The following RGL1 variants were observed in gnomAD, a reference collection of about 807,000 sequenced individuals.
RGL1 encodes ral guanine nucleotide dissociation stimulator like 1.
A neutral mutation model predicts 95.2 loss-of-function variants in RGL1; 24 were observed. The observed-to-expected ratio is 0.25, with a 90% CI of 0.18 to 0.35. The LOEUF is 0.35. Among genes scored for constraint, RGL1 ranks in the 10% least tolerant of loss-of-function variants. The pLI is 1.00. For synonymous variants in RGL1, 329 were observed against 344.9 expected (o/e 0.95, Z 0.51); for missense variants, 715 against 936.3 (o/e 0.76, Z 3.08).
At chr1:183,754,747 C>T (rs146680368) in intron 2 of RGL1, 85 of 152,332 alleles carry the variant, frequency 5.6e-4, no homozygotes, top group African/African-American at 2.0e-3. Flanking sequence ...GGCTGAGCTG[C>T]TACTTACCAG....
intron 2 of RGL1, among the ~76,000 whole-genome samples, chr1:183,835,804 A>T (rs992366590): frequency 2.0e-5 from 3 of 152,200 alleles, no homozygotes; most frequent in African/African-American, 7.2e-5. Context: ...ATCTTTCAAC[A>T]TGCCTTAGAT....
intron 1 of RGL1, among the ~76,000 whole-genome samples, chr1:183,649,921 C>T (rs1283766173): frequency 6.6e-6 from 1 of 152,158 alleles, no homozygotes; most frequent in African/African-American, 2.4e-5. Context: ...AAGTGATCCT[C>T]CTGCCTCAGC....
At chr1:183,735,836 T>G (rs1656904562) in intron 1 of RGL1, among the ~76,000 whole-genome samples, 4 of 152,232 alleles carry the variant, frequency 2.6e-5, no homozygotes, top group Admixed American at 2.6e-4. Context: ...CATCTTTGAT[T>G]CTGGATAGCT....
At chr1:183,922,140 C>T (rs923285096) in intron 16 of RGL1, 82 bp from the exon 17 acceptor site, 36 of 1,125,792 alleles carry the variant, frequency 3.2e-5, no homozygotes, top group Non-Finnish European at 3.9e-5. Context: ...CAACACAAGA[C>T]AGCAAGAATG....
intron 2 of RGL1, among the ~76,000 whole-genome samples, chr1:183,831,434 G>T (rs1292468723): frequency 6.6e-6 from 1 of 152,146 alleles, no homozygotes; most frequent in African/African-American, 2.4e-5. Context: ...TCTGGCAGAA[G>T]GCTGGATTTC....
At chr1:183,661,235 CA>C (rs1487832468) in intron 1 of RGL1, among the ~76,000 whole-genome samples, 1 of 151,982 alleles carries the variant, frequency 6.6e-6, no homozygotes. Context: ...AATAGAGACA[CA>C]AAAAACCCTT....
rs569853257 is a variant in RGL1, at chr1:183,805,120, G to C, written c.-178G>C. ...CTCGCTCGCTCGCCGCGCTCCCTTT[G>C]TGGCCCGAGTCGCGCGCACCGGCGG... On this transcript the variant is annotated 5_prime_UTR_variant, in exon 1 of 18. Transcript: ENST00000360851. 1.8e-5 allele frequency: 13 copies of C among 715,942 alleles called. No individual in the cohort carries two copies. In the East Asian group the frequency reaches 4.5e-4, roughly 25 times the overall value. 44.3% of individuals were successfully genotyped at this position (715,942 alleles called of 1,614,324 possible).
At chr1:183,647,747 C>A (rs751113330) in intron 1 of RGL1, 19 of 1,613,794 alleles carry the variant, frequency 1.2e-5, no homozygotes, top group Admixed American at 1.2e-4. Context: ...CTGTGATTTC[C>A]ACTATCTCCA....
intron 1 of RGL1, among the ~76,000 whole-genome samples, chr1:183,708,265 G>T (rs1341685432): frequency 6.6e-6 from 1 of 152,080 alleles, no homozygotes; most frequent in Non-Finnish European, 1.5e-5. Context: ...CGGGAGAACA[G>T]GGAAAAGGAG....
chr1:183,891,949 A>G, intron 8 of RGL1, 128 bp from the exon 9 acceptor site: 2 of 643,388 alleles, frequency 3.1e-6, no homozygotes, highest in Non-Finnish European at 5.4e-6. Context: ...ATCTGTGCTT[A>G]CAGTACCCAC....
At chr1:183,898,510 A>T (rs1667833955) in intron 10 of RGL1, among the ~76,000 whole-genome samples, 1 of 152,246 alleles carries the variant, frequency 6.6e-6, no homozygotes, top group African/African-American at 2.4e-5. Flanking sequence ...CTGTTAGCAT[A>T]AAGTGTGGAA....
rs985714665 is a variant in RGL1 at position 183,805,132 on chromosome 1, G to C, written c.-166G>C. 3.7e-5 allele frequency: 32 copies of C among 863,114 alleles called. 1 individual carries two copies. The highest frequency in any genetic ancestry group is 8.0e-4 in the Middle Eastern group (2 of 2,498). The allele number at this position is 863,114 out of a possible 1,614,324, so 53.5% of individuals were successfully genotyped here. Reference sequence around the variant, plus strand: ...CCGCGCTCCCTTTGTGGCCCGAGTCGCGCGCACCGGCGGCGGCGGGGGCAG... The same window carrying C: ...CCGCGCTCCCTTTGTGGCCCGAGTCCCGCGCACCGGCGGCGGCGGGGGCAG... On this transcript the variant is annotated 5_prime_UTR_variant, in exon 1 of 18. Coordinates refer to ENST00000360851, the MANE Select transcript of RGL1 (RefSeq NM_001297671.3).
intron 2 of RGL1, among the ~76,000 whole-genome samples, chr1:183,759,222 G>C (rs75408230): frequency 0.036 from 5,523 of 152,322 alleles, 146 homozygotes; most frequent in Non-Finnish European, 0.053. Flanking sequence ...TCATGAGGCA[G>C]AAGACAAGAG....
chr1:183,679,577 G>T (rs1653071297), intron 1 of RGL1, among the ~76,000 whole-genome samples: 1 of 151,268 alleles, frequency 6.6e-6, no homozygotes, highest in African/African-American at 2.5e-5. Context: ...AGTATTCCAT[G>T]GTATATATGT....
At position 183,707,121 on chromosome 1, in the gene RGL1, G is replaced by T. The variant is rs560986500; in HGVS notation, c.-32-35005G>T. Among the ~76,000 whole-genome samples, 240 of 152,272 alleles carry T rather than the reference G, an allele frequency of 1.6e-3. 1 individual carries two copies. The highest frequency in any genetic ancestry group is 5.6e-3 in the African/African-American group (232 of 41,546). ...GTGGTCTTGATGGCGGCGTCCAGGG[G>T]CCCTGTCTTGATAATCCCAGTGGGG... On this transcript the variant is annotated intron_variant, in intron 1 of 18. Coordinates refer to the RGL1 transcript ENST00000304685.
chr1:183,761,894 T>C (rs1034268109), intron 2 of RGL1, among the ~76,000 whole-genome samples: 3 of 152,234 alleles, frequency 2.0e-5, no homozygotes, highest in Non-Finnish European at 2.9e-5. Context: ...GTTATGGAGA[T>C]GTCTTCTTCT....
At chr1:183,683,887 C>A (rs1653389283) in intron 1 of RGL1, among the ~76,000 whole-genome samples, 1 of 152,108 alleles carries the variant, frequency 6.6e-6, no homozygotes, top group Non-Finnish European at 1.5e-5. Context: ...TTTCTCTAAT[C>A]TTGTCTTCAC....
chr1:183,748,125 A>G (rs1657760907), intron 2 of RGL1, among the ~76,000 whole-genome samples: 1 of 152,080 alleles, frequency 6.6e-6, no homozygotes, highest in South Asian at 2.1e-4. Context: ...AGGTTTTTAT[A>G]ATATTCTCTG....
chr1:183,698,242 C>T (rs1338549872), intron 1 of RGL1, among the ~76,000 whole-genome samples: 1 of 152,232 alleles, frequency 6.6e-6, no homozygotes, highest in Non-Finnish European at 1.5e-5. Flanking sequence ...GTGGGCTCAG[C>T]CCTTGCGTTC....
Sources: gnomAD v4.1 joint callset for allele counts (sites outside exome capture counted in the v4.1 genomes callset) on GRCh38, gnomAD v4.1.1 for gene constraint, MANE v1.5 for transcripts, NCBI Gene and HGNC (gene_info 2026-07-23, HGNC 2026-07-21) for gene names.